Variants in DOCK8 observed in about 807,000 individuals in gnomAD.
DOCK8 encodes the protein dedicator of cytokinesis 8.
A neutral mutation model predicts 245.6 loss-of-function variants in DOCK8; 141 were observed. The observed-to-expected ratio is 0.57, with a 90% confidence interval of 0.50 to 0.66. The LOEUF (loss-of-function observed/expected upper bound fraction) is 0.66. DOCK8 is among the 30% of genes least tolerant of loss of function. The pLI, the probability that DOCK8 is intolerant of heterozygous loss-of-function variation, is 0.00. For synonymous variants in DOCK8, 1,168 were observed against 970.2 expected, an observed-to-expected ratio of 1.20 and a Z score of -3.79; for missense variants, 2,965 against 2,603.4, an observed-to-expected ratio of 1.14 and a Z score of -3.02.
intron 33 of DOCK8, among the ~76,000 whole-genome samples, chr9:424,652 C>A (rs10974353): frequency 0.047 from 7,180 of 152,206 alleles, 555 homozygotes; most frequent in African/African-American, 0.16. Context: ...TCAAGTGATC[C>A]ACCTGTTTTA....
intron 14 of DOCK8, among the ~76,000 whole-genome samples, chr9:353,982 G>T (rs2052301210): frequency 6.6e-6 from 1 of 152,160 alleles, no homozygotes; most frequent in African/African-American, 2.4e-5. Context: ...AAATTCTCAT[G>T]TTCTTATACT....
chr9:257,821 G>C (rs1218558892), intron 1 of DOCK8, among the ~76,000 whole-genome samples: 1 of 152,126 alleles, frequency 6.6e-6, no homozygotes, highest in Non-Finnish European at 1.5e-5. Flanking sequence ...CCAGCCAGGA[G>C]GGCTTGTGAA....
intron 35 of DOCK8, 34 bp downstream of exon 35, chr9:428,530 T>C (rs111751331): frequency 6.2e-7 from 1 of 1,613,284 alleles, no homozygotes; most frequent in South Asian, 1.1e-5. Flanking sequence ...TTCCTCTTAA[T>C]TAAGAGTAAG....
rs758975681 is a variant in DOCK8, at chr9:404,965, A to G, written c.3282A>G (p.Leu1094=). ...TTCCAACGCTCATTTCCATGAGGCTAGAGTTCCTGAGAATCCTCTGTAGCC... is the reference window on the plus strand; with the variant it reads ...TTCCAACGCTCATTTCCATGAGGCTGGAGTTCCTGAGAATCCTCTGTAGCC... The part of the protein sequence containing the change: ...SNLPTLISMR[L]EFLRILCSHE... The change falls in exon 27 of 48, where the codon CTA becomes CTG. Residue 1094 remains leucine, a synonymous_variant. Transcript: ENST00000432829. 5.6e-6 allele frequency: 9 copies of G among 1,614,100 alleles called. No homozygotes were observed. The highest frequency in any genetic ancestry group is 1.6e-4 in the Middle Eastern group (1 of 6,062).
intron 46 of DOCK8, chr9:456,831 T>C (rs1017839336): frequency 2.0e-5 from 3 of 152,352 alleles, no homozygotes; most frequent in African/African-American, 7.2e-5. Flanking sequence ...TTCTTCTTTA[T>C]ACTTATCTGG....
chr9:441,800 A>G, intron 41 of DOCK8, 75 bp from the exon 42 acceptor site: 1 of 1,578,730 alleles, frequency 6.3e-7, no homozygotes, highest in Non-Finnish European at 8.7e-7. Context: ...ACAATGAGAG[A>G]CCCCTGCCCT....
chr9:286,543 C>T lies in DOCK8; in HGVS notation c.239C>T (p.Ala80Val). Reference sequence around the variant, plus strand: ...CTGAACAGCCTGGATGTGCAGCTTGCCCAGGAGCTCGGGGACTTCACTGAT... The same window carrying T: ...CTGAACAGCCTGGATGTGCAGCTTGTCCAGGAGCTCGGGGACTTCACTGAT... ...THLNSLDVQL[A>V]QELGDFTDDD... is the part of the protein sequence containing the mutation. The change falls in exon 3 of 48, where the codon GCC (alanine) becomes GTC (valine). Residue 80 changes from alanine (A) to valine (V), a missense_variant. Physicochemically the swap from Ala to Val is moderately conservative, Grantham distance 64. This residue lies in a region of DOCK8 where 2,825 missense variants were observed against 2,453.5 expected (regional missense o/e 1.15). Coordinates refer to ENST00000432829, the MANE Select transcript of DOCK8 (RefSeq NM_203447.4). 2 of 1,613,954 alleles carry T rather than the reference C, an allele frequency of 1.2e-6. No individual in the cohort carries two copies. Among genetic ancestry groups the T allele is most frequent in the South Asian group, 1.1e-5 (1 of 91,078 alleles).
rs778307596 is a variant in DOCK8, at chr9:407,056, G to A, written c.3517G>A (p.Ala1173Thr). Reference protein sequence around the residue: ...LFTELAAALDAEGEGISKVQR... With the variant: ...LFTELAAALDTEGEGISKVQR... Reference sequence around the variant, plus strand: ...CACAGAACTGGCTGCTGCCCTGGATGCCGAAGGGGAAGGGTATGTTTCTGG... The same window carrying A: ...CACAGAACTGGCTGCTGCCCTGGATACCGAAGGGGAAGGGTATGTTTCTGG... The change falls in exon 28 of 48, where the codon GCC becomes ACC. Residue 1173 changes from alanine to threonine, a missense_variant. Ala to Thr is a moderately conservative substitution (Grantham distance 58, BLOSUM62 0). Coordinates refer to ENST00000432829, the MANE Select transcript of DOCK8 (RefSeq NM_203447.4). 1.2e-6 allele frequency: 2 copies of A among 1,614,138 alleles called. No individual in the cohort carries two copies. The highest frequency in any genetic ancestry group is 1.7e-6 in the Non-Finnish European group (2 of 1,180,016).
chr9:356,826 A>C (rs1411177064), intron 14 of DOCK8, among the ~76,000 whole-genome samples: 1 of 134,338 alleles, frequency 7.4e-6, no homozygotes, highest in Non-Finnish European at 1.6e-5. Context: ...AAATCTGCTA[A>C]CATGGGCATC....
intron 4 of DOCK8, among the ~76,000 whole-genome samples, chr9:299,114 C>A (rs1051210735): frequency 6.6e-6 from 1 of 152,040 alleles, no homozygotes; most frequent in Non-Finnish European, 1.5e-5. Context: ...ATATATTTGT[C>A]ACTACTTTGA....
intron 23 of DOCK8, among the ~76,000 whole-genome samples, chr9:388,217 A>T (rs1292573708): frequency 6.6e-6 from 1 of 152,154 alleles, no homozygotes; most frequent in African/African-American, 2.4e-5. Flanking sequence ...GCACAGTTAG[A>T]CCACCTGCTA....
Position 372,255 on chromosome 9 carries a change from T to A in DOCK8, c.2078T>A (p.Leu693Ter). The A allele has an allele frequency of 6.2e-7, 1 of 1,614,112 alleles. No individual in the cohort carries two copies. Among genetic ancestry groups the A allele is most frequent in the Non-Finnish European group, 8.5e-7 (1 of 1,180,016 alleles). The change falls in exon 18 of 48, where the codon TTG (leucine) becomes TAG (stop). Residue 693 changes from leucine (L) to a stop codon, truncating the protein, a stop_gained. Coordinates refer to ENST00000432829, the MANE Select transcript of DOCK8 (RefSeq NM_203447.4). LOFTEE classifies it high-confidence loss of function. The part of the protein sequence containing the change: ...SYCLPVALEK[L>*]PPNYSMHSAE... Reference sequence around the variant, plus strand: ...TGTCTCCCAGTTGCCTTGGAAAAATTGCCACCCAACTACTCCATGCATTCT... The same window carrying A: ...TGTCTCCCAGTTGCCTTGGAAAAATAGCCACCCAACTACTCCATGCATTCT...
At position 439,276 on chromosome 9, in the gene DOCK8, T is replaced by C. The variant is rs1281751602; in HGVS notation, c.5111T>C (p.Val1704Ala). 1 of 1,614,090 alleles carries C rather than the reference T, an allele frequency of 6.2e-7. No homozygotes were observed. The highest frequency in any genetic ancestry group is 8.5e-7 in the Non-Finnish European group (1 of 1,180,036). ...TCTTCCAATGTGCTGGAGGAGTCTG[T>C]GGTCTCTGAGGACACCCTGTCACCT... is the stretch of plus-strand genomic sequence containing the variant. ...NISSNVLEES[V>A]VSEDTLSPDE... is the part of the protein sequence containing the mutation. Residue 1704 changes from valine (V) to alanine (A), a missense_variant, in exon 40 of 48, where the codon GTG becomes GCG. Val to Ala is a moderately conservative substitution (Grantham distance 64). Coordinates refer to ENST00000432829, the MANE Select transcript of DOCK8 (RefSeq NM_203447.4).
chr9:323,778 C>G (rs2050630783), intron 7 of DOCK8, among the ~76,000 whole-genome samples: 1 of 152,212 alleles, frequency 6.6e-6, no homozygotes, highest in African/African-American at 2.4e-5. Context: ...CTTTTTGTGA[C>G]TGGCTTCTTT....
At chr9:312,416 C>T (rs765641884) in intron 6 of DOCK8, 1 of 618,584 alleles carries the variant, frequency 1.6e-6, no homozygotes, top group Admixed American at 2.1e-5. Context: ...AATATGTTCA[C>T]TAAGAGCATC....
chr9:275,328 A>C (rs368845904), intron 2 of DOCK8, among the ~76,000 whole-genome samples: 6 of 152,330 alleles, frequency 3.9e-5, no homozygotes, highest in African/African-American at 1.4e-4. Flanking sequence ...AATGTAGAAT[A>C]TACTGGCTTC....
Position 433,992 on chromosome 9 carries a change from C to T in DOCK8, c.4886+17C>T, listed in dbSNP as rs766546360. The T allele has an allele frequency of 1.9e-6, 3 of 1,567,638 alleles. No individual in the cohort carries two copies. Among genetic ancestry groups the T allele is most frequent in the South Asian group, 1.1e-5 (1 of 90,220 alleles). ...CATGTACAGGTAAGCTTTCCTGACA[C>T]ACTCAAGGGACACCATTTGGGGGTC... On this transcript the variant is annotated intron_variant, in intron 38 of 47. Transcript: ENST00000432829.
chr9:227,115 G>C (rs1047643985), intron 1 of DOCK8, among the ~76,000 whole-genome samples: 2 of 152,162 alleles, frequency 1.3e-5, no homozygotes, highest in African/African-American at 2.4e-5. Context: ...ATGCATGTAT[G>C]AGTGTATGTA....
At chr9:327,333 T>C (rs921386193) in intron 8 of DOCK8, among the ~76,000 whole-genome samples, 1 of 152,108 alleles carries the variant, frequency 6.6e-6, no homozygotes, top group Non-Finnish European at 1.5e-5. Flanking sequence ...TTTGTATGCA[T>C]GTGGTGACTT....
Sources: gnomAD v4.1 joint callset for allele counts (sites outside exome capture counted in the v4.1 genomes callset) on GRCh38, gnomAD v4.1.1 for gene constraint, gnomAD v4.1.1 regional missense constraint, MANE v1.5 for transcripts, NCBI Gene and HGNC (gene_info 2026-07-23, HGNC 2026-07-21) for gene names.